Variants in PEX14 observed in about 807,000 individuals in gnomAD.
PEX14 encodes the protein peroxisomal membrane protein PEX14.
A neutral mutation model predicts 49.5 loss-of-function variants in PEX14; 15 were observed. The ratio of observed to expected loss-of-function variants is 0.30; its 90% confidence interval spans 0.20 to 0.47. The LOEUF (loss-of-function observed/expected upper bound fraction) is 0.47. Among genes scored for constraint, PEX14 ranks in the 20% least tolerant of loss-of-function variants. The pLI, the probability that PEX14 is intolerant of heterozygous loss-of-function variation, is 1.00. For synonymous variants in PEX14, 210 were observed against 212.7 expected (o/e 0.99, Z 0.11); for missense variants, 398 against 494.8 (o/e 0.80, Z 1.86).
intron 4 of PEX14, among the ~76,000 whole-genome samples, chr1:10,614,073 G>A (rs1041665534): frequency 6.6e-6 from 1 of 152,232 alleles, no homozygotes. Context: ...AGGCCCCAGG[G>A]TGGGGAGGGG....
chr1:10,539,504 C>T lies in PEX14; in HGVS notation c.169+3207C>T, dbSNP rs1040959274. ...TAAATGTTTTTGTTTTCCTTCCAAC[C>T]ACTTGATTCTGCAGATGACACATCA... On this transcript the variant is annotated intron_variant, in intron 3 of 8. Transcript: ENST00000356607. This position sits in a 1 kb window ranked among gnomAD's most constrained non-coding sequence, Gnocchi z 4.6. 7.9e-5 allele frequency among the ~76,000 whole-genome samples: 12 copies of T among 152,112 alleles called. No homozygotes were observed. Among genetic ancestry groups the T allele is most frequent in the East Asian group, 3.8e-4 (2 of 5,204 alleles).
intron 3 of PEX14, among the ~76,000 whole-genome samples, chr1:10,560,881 C>A (rs1218323784): frequency 1.3e-5 from 2 of 151,850 alleles, no homozygotes; most frequent in Non-Finnish European, 2.9e-5. Context: ...CCACGCCCAG[C>A]TAATTTTTGT....
intron 2 of PEX14, among the ~76,000 whole-genome samples, chr1:10,527,634 TA>T (rs1418481541): frequency 6.6e-6 from 1 of 152,110 alleles, no homozygotes; most frequent in Non-Finnish European, 1.5e-5. Context: ...CTAATTTTCT[TA>T]TGGGGTGTTT....
At chr1:10,579,955 T>C (rs1640263857) in intron 3 of PEX14, among the ~76,000 whole-genome samples, 1 of 151,982 alleles carries the variant, frequency 6.6e-6, no homozygotes, top group South Asian at 2.1e-4. Context: ...CAGCTCCTAC[T>C]CAAGATGGAG....
chr1:10,623,191 C>T lies in PEX14; in HGVS notation c.487+70C>T, dbSNP rs1641646056. ...CAAGCAGCCCCTTCTCTGCCCCTCC[C>T]CTCTCCCTCTGTCTCCACTCTATGT... On this transcript the variant is annotated intron_variant, in intron 6 of 8. Coordinates refer to ENST00000356607, the MANE Select transcript of PEX14 (RefSeq NM_004565.3). The surrounding 1 kb of genome is among the most constrained non-coding windows in gnomAD (Gnocchi z 4.4). 1.1e-6 allele frequency: 1 copy of T among 938,732 alleles called. No homozygotes were observed. Among genetic ancestry groups the T allele is most frequent in the South Asian group, 1.4e-5 (1 of 72,514 alleles). The allele number at this position is 938,732 out of a possible 1,614,324, so 58.2% of individuals were successfully genotyped here.
At chr1:10,609,195 G>A (rs1009571073) in intron 4 of PEX14, among the ~76,000 whole-genome samples, 1 of 152,172 alleles carries the variant, frequency 6.6e-6, no homozygotes, top group East Asian at 1.9e-4. Flanking sequence ...TCCAATTTTG[G>A]TGAAGATGAA....
At chr1:10,619,981 G>A (rs902736779) in intron 5 of PEX14, among the ~76,000 whole-genome samples, 1 of 152,096 alleles carries the variant, frequency 6.6e-6, no homozygotes, top group African/African-American at 2.4e-5. Flanking sequence ...CCAGCATGGC[G>A]GCGGGCACCT....
At chr1:10,496,428 T>C (rs648399) in intron 2 of PEX14, among the ~76,000 whole-genome samples, 101,616 of 152,108 alleles carry the variant, frequency 0.67, 34,245 homozygotes, top group East Asian at 0.8. Flanking sequence ...CCCACCTTGC[T>C]AGTCTCTCCG....
intron 3 of PEX14, among the ~76,000 whole-genome samples, chr1:10,562,761 G>A (rs764185360): frequency 2.0e-5 from 3 of 152,022 alleles, no homozygotes; most frequent in Non-Finnish European, 4.4e-5. Context: ...GAGATACTTC[G>A]ATCCTTCGAC....
At chr1:10,592,941 GT>G (rs1640714361) in intron 3 of PEX14, among the ~76,000 whole-genome samples, 1 of 152,196 alleles carries the variant, frequency 6.6e-6, no homozygotes, top group African/African-American at 2.4e-5. Flanking sequence ...ACGTGGTTGA[GT>G]TTTTACATCC....
chr1:10,580,302 GC>G (rs1235214715), intron 3 of PEX14, among the ~76,000 whole-genome samples: 8 of 152,090 alleles, frequency 5.3e-5, no homozygotes, highest in African/African-American at 1.9e-4. Context: ...TCAACTCACT[GC>G]AACTTCTGCC....
At position 10,522,885 on chromosome 1, in the gene PEX14, T is replaced by A. The variant is rs554049512; in HGVS notation, c.85-13328T>A. On this transcript the variant is annotated intron_variant, in intron 2 of 8. Transcript: ENST00000356607. ...ATGGATTACATACTTTCTTGCTTTA[T>A]TAAGCTGAATATCTGGAATATAATT... is the stretch of plus-strand genomic sequence containing the variant. Among the ~76,000 whole-genome samples, 89 of 152,356 alleles carry A rather than the reference T, an allele frequency of 5.8e-4. 1 individual carries two copies. The highest frequency in any genetic ancestry group is 3.4e-3 in the Middle Eastern group (1 of 294).
chr1:10,601,143 T>C (rs1410751071), intron 4 of PEX14, among the ~76,000 whole-genome samples: 1 of 151,492 alleles, frequency 6.6e-6, no homozygotes, highest in African/African-American at 2.4e-5. Flanking sequence ...GTGCTTGTAA[T>C]CCCAGCTACT....
chr1:10,486,913 T>C (rs1641379498), intron 1 of PEX14, among the ~76,000 whole-genome samples: 1 of 152,016 alleles, frequency 6.6e-6, no homozygotes, highest in African/African-American at 2.4e-5. Flanking sequence ...GGTCTTGAAC[T>C]CCTGACCCTG....
chr1:10,493,961 G>A (rs1481920252), intron 1 of PEX14, among the ~76,000 whole-genome samples: 1 of 152,150 alleles, frequency 6.6e-6, no homozygotes, highest in Non-Finnish European at 1.5e-5. Context: ...ATCTCAGAGG[G>A]GTGTGGGCTG....
At chr1:10,627,838 C>T (rs1641795274) in intron 8 of PEX14, among the ~76,000 whole-genome samples, 1 of 152,250 alleles carries the variant, frequency 6.6e-6, no homozygotes, top group Admixed American at 6.5e-5. Context: ...CCCCTGTTGT[C>T]CCTCTGTAGC....
intron 3 of PEX14, among the ~76,000 whole-genome samples, chr1:10,564,859 T>C (rs1026048005): frequency 4.0e-5 from 6 of 151,812 alleles, no homozygotes; most frequent in African/African-American, 1.4e-4. Context: ...TGAGTTTGGG[T>C]TTTTTAAATT....
At chr1:10,560,049 T>C (rs1347632820) in intron 3 of PEX14, among the ~76,000 whole-genome samples, 1 of 152,040 alleles carries the variant, frequency 6.6e-6, no homozygotes, top group African/African-American at 2.4e-5. Flanking sequence ...CTGATTTTTT[T>C]CTTCCATCTA....
chr1:10,617,642 C>T (rs564863244), intron 4 of PEX14, among the ~76,000 whole-genome samples: 2 of 152,126 alleles, frequency 1.3e-5, no homozygotes, highest in Admixed American at 6.5e-5. Context: ...GTGCTTGCTC[C>T]CCTCCAGCCC....
Sources: gnomAD v4.1 joint callset for allele counts (sites outside exome capture counted in the v4.1 genomes callset) on GRCh38, gnomAD v4.1.1 for gene constraint, Gnocchi (gnomAD v3.1) non-coding constraint, MANE v1.5 for transcripts, NCBI Gene and HGNC (gene_info 2026-07-23, HGNC 2026-07-21) for gene names.